The following EBF2 variants were observed in gnomAD, a reference collection of about 807,000 sequenced individuals.
The protein encoded by EBF2 is transcription factor COE2.
In EBF2, 21 loss-of-function variants were observed where a neutral mutation model predicts 72.8. The ratio of observed to expected loss-of-function variants is 0.29; its 90% CI spans 0.20 to 0.42. The LOEUF (loss-of-function observed/expected upper bound fraction) is 0.42, where lower values mean the gene tolerates loss of function less well. Among genes scored for constraint, EBF2 ranks in the 10% least tolerant of loss-of-function variants. The pLI is 1.00. For missense variants in EBF2, 637 were observed against 731.2 expected, an observed-to-expected ratio of 0.87 and a Z score of 1.49; for synonymous variants, 299 against 274.2, an observed-to-expected ratio of 1.09 and a Z score of -0.89.
At chr8:26,027,784 A>C (rs1805323860) in intron 6 of EBF2, among the ~76,000 whole-genome samples, 1 of 152,154 alleles carries the variant, frequency 6.6e-6, no homozygotes, top group Non-Finnish European at 1.5e-5. Context: ...TTGGCCTTTA[A>C]AAGAAAGGAT....
At chr8:25,877,035 A>G (rs1802533008) in intron 10 of EBF2, among the ~76,000 whole-genome samples, 2 of 152,224 alleles carry the variant, frequency 1.3e-5, no homozygotes, top group Admixed American at 1.3e-4. Flanking sequence ...GAACCACAGG[A>G]ACAATAGTGA....
rs73553903 is a variant in EBF2 at position 25,861,305 on chromosome 8, T to C, written c.1164+4A>G. The C allele has an allele frequency of 2.5e-3, 4,115 of 1,614,200 alleles. 89 individuals carry two copies. The African/African-American group carries it at 0.045, about 18-fold the overall frequency. ...CAATAAAGGATAGGATGTCAGTATCTCACCTGGTTATTGTGTGGTGTGCCA... is the reference window on the plus strand; with the variant it reads ...CAATAAAGGATAGGATGTCAGTATCCCACCTGGTTATTGTGTGGTGTGCCA... On this transcript the variant is annotated splice_donor_region_variant and intron_variant, in intron 12 of 15. Transcript: ENST00000520164.
chr8:25,936,804 GA>G (rs1406046788), intron 6 of EBF2, among the ~76,000 whole-genome samples: 1 of 152,112 alleles, frequency 6.6e-6, no homozygotes, highest in Non-Finnish European at 1.5e-5. Flanking sequence ...GTATATATAA[GA>G]ATAGCCTTGT....
At chr8:25,964,770 A>G (rs1804088467) in intron 6 of EBF2, among the ~76,000 whole-genome samples, 1 of 152,262 alleles carries the variant, frequency 6.6e-6, no homozygotes, top group South Asian at 2.1e-4. Flanking sequence ...ACAAGGCTAC[A>G]GTCCAAGAGC....
chr8:25,866,642 T>A (rs1439604046), intron 10 of EBF2, among the ~76,000 whole-genome samples: 17 of 144,014 alleles, frequency 1.2e-4, no homozygotes, highest in African/African-American at 4.0e-4. Flanking sequence ...TATATTTTTT[T>A]TTTTTTTGAG....
At chr8:25,987,496 G>A (rs564239158) in intron 6 of EBF2, among the ~76,000 whole-genome samples, 13 of 152,044 alleles carry the variant, frequency 8.6e-5, no homozygotes, top group African/African-American at 3.1e-4. Flanking sequence ...CACAACCATC[G>A]TATCACCTTT....
intron 14 of EBF2, among the ~76,000 whole-genome samples, chr8:25,852,063 C>G (rs555835125): frequency 6.6e-6 from 1 of 152,078 alleles, no homozygotes; most frequent in Non-Finnish European, 1.5e-5. Context: ...TTAAAGTAGT[C>G]TTGATTTAAG....
intron 6 of EBF2, among the ~76,000 whole-genome samples, chr8:26,019,071 T>C (rs1221076164): frequency 6.6e-6 from 1 of 152,184 alleles, no homozygotes; most frequent in Non-Finnish European, 1.5e-5. Context: ...AGGCTTTTAT[T>C]TACTCCCTGG....
At chr8:25,862,005 C>T (rs923003048) in intron 11 of EBF2, among the ~76,000 whole-genome samples, 6 of 152,012 alleles carry the variant, frequency 3.9e-5, no homozygotes, top group Non-Finnish European at 7.4e-5. Context: ...AATGGTGGGG[C>T]TAGGGATTTT....
chr8:26,018,496 CAAAAA>C (rs10555042), intron 6 of EBF2, among the ~76,000 whole-genome samples: 144 of 81,620 alleles, frequency 1.8e-3, no homozygotes, highest in African/African-American at 6.7e-3. Context: ...ACTAAAAATA[CAAAAA>C]AAAAAAAAAA....
At position 25,843,452 on chromosome 8, in the gene EBF2, G is replaced by C. The variant is rs1447371595; in HGVS notation, c.*1157C>G. The C allele has an allele frequency of 2.0e-5, 3 of 152,244 alleles. No homozygotes were observed. The highest frequency in any genetic ancestry group is 2.9e-5 in the Non-Finnish European group (2 of 68,094). The allele number at this position is 152,244 out of a possible 1,614,324, so 9.4% of individuals were successfully genotyped here. On this transcript the variant is annotated 3_prime_UTR_variant, in exon 16 of 16. Coordinates refer to ENST00000520164, the MANE Select transcript of EBF2 (RefSeq NM_022659.4). ...AAGTTCTATGGGGCTGTGTACCTCT[G>C]TACTGAACCAGGCACCCAAAGCGGA...
At chr8:26,000,056 T>C (rs143745119) in intron 6 of EBF2, among the ~76,000 whole-genome samples, 2 of 152,168 alleles carry the variant, frequency 1.3e-5, no homozygotes, top group Non-Finnish European at 2.9e-5. Context: ...ATGAAAATTG[T>C]AGACATCACA....
chr8:26,009,300 A>G (rs913536950), intron 6 of EBF2, among the ~76,000 whole-genome samples: 1 of 152,302 alleles, frequency 6.6e-6, no homozygotes, highest in African/African-American at 2.4e-5. Flanking sequence ...AGCCAAGTAT[A>G]AACGTATTCA....
chr8:26,039,892 T>C, intron 5 of EBF2, 136 bp downstream of exon 5: 1 of 819,446 alleles, frequency 1.2e-6, no homozygotes, highest in East Asian at 2.5e-5. Flanking sequence ...ATCTACACTC[T>C]GCGCCCGTCT....
At chr8:25,901,763 A>G (rs1802957377) in intron 7 of EBF2, among the ~76,000 whole-genome samples, 1 of 152,168 alleles carries the variant, frequency 6.6e-6, no homozygotes. Context: ...ACAAACATCT[A>G]TACTTGACCA....
chr8:25,948,602 A>C (rs146144812), intron 6 of EBF2, among the ~76,000 whole-genome samples: 7 of 152,342 alleles, frequency 4.6e-5, no homozygotes, highest in Admixed American at 2.0e-4. Flanking sequence ...CACTCAAGAT[A>C]ATTGCACAGT....
rs545327036 is a variant in EBF2 at position 26,044,799 on chromosome 8, C to G, written c.61G>C (p.Ala21Pro). ...GPTLKEKSLG[A>P]EMDSVRSWVR... Reference sequence around the variant, plus strand: ...CAGGACCTGACCGAATCCATCTCCGCGCCCAGCGATTTCTCTTTCAGAGTT... The same window carrying G: ...CAGGACCTGACCGAATCCATCTCCGGGCCCAGCGATTTCTCTTTCAGAGTT... The change falls in exon 1 of 16, where the codon GCG becomes CCG. Residue 21 changes from alanine to proline, a missense_variant. Transcript: ENST00000520164. The surrounding 1 kb of genome is among the most constrained non-coding windows in gnomAD (Gnocchi z 4.1). 6 of 1,614,154 alleles carry G rather than the reference C, an allele frequency of 3.7e-6. No homozygotes were observed. Among genetic ancestry groups the G allele is most frequent in the Non-Finnish European group, 3.4e-6 (4 of 1,180,022 alleles).
At chr8:25,950,486 C>A (rs1049849470) in intron 6 of EBF2, among the ~76,000 whole-genome samples, 5 of 152,206 alleles carry the variant, frequency 3.3e-5, no homozygotes, top group African/African-American at 9.7e-5. Context: ...TTCCTGGCTG[C>A]TGAGGCAGAT....
chr8:25,851,211 A>G (rs902955421), intron 14 of EBF2, among the ~76,000 whole-genome samples: 3 of 148,632 alleles, frequency 2.0e-5, no homozygotes, highest in African/African-American at 7.3e-5. Context: ...CCTCCCCCAT[A>G]ACTCCTAAGG....
Sources: gnomAD v4.1 joint callset for allele counts (sites outside exome capture counted in the v4.1 genomes callset) on GRCh38, gnomAD v4.1.1 for gene constraint, Gnocchi (gnomAD v3.1) non-coding constraint, MANE v1.5 for transcripts, NCBI Gene and HGNC (gene_info 2026-07-23, HGNC 2026-07-21) for gene names.